Variants in ATXN2 observed in about 807,000 individuals in gnomAD.
ATXN2 encodes ataxin 2.
A neutral mutation model predicts 138.6 loss-of-function variants in ATXN2; 37 were observed. The ratio of observed to expected loss-of-function variants is 0.27; its 90% CI spans 0.21 to 0.35. The LOEUF (loss-of-function observed/expected upper bound fraction) is 0.35, where lower values mean the gene tolerates loss of function less well. Ranked by LOEUF, ATXN2 falls within the 10% of genes least tolerant of loss-of-function variation. ATXN2 has a pLI of 1.00. For missense variants in ATXN2, 1,216 were observed against 1,480.3 expected, an observed-to-expected ratio of 0.82 and a Z score of 2.93; for synonymous variants, 549 against 543.7, an observed-to-expected ratio of 1.01 and a Z score of -0.13.
rs1261937960 is a variant in ATXN2, at chr12:111,533,825, G to GT, written c.572-8510dup. 2.0e-5 allele frequency among the ~76,000 whole-genome samples: 3 copies of GT among 152,142 alleles called. No individual in the cohort carries two copies. The East Asian group carries it at 5.8e-4, about 29-fold the overall frequency. On this transcript the variant is annotated intron_variant, in intron 5 of 24. Transcript: ENST00000673436. Reference sequence around the variant, plus strand: ...TACAGGTGTGACCCACAGCCCCAGCGTATTTCCCATATATTTTGGATCCAT... The same window carrying GT: ...TACAGGTGTGACCCACAGCCCCAGCGTTATTTCCCATATATTTTGGATCCAT...
chr12:111,514,831 T>A (rs534390121), intron 10 of ATXN2, among the ~76,000 whole-genome samples: 4 of 152,214 alleles, frequency 2.6e-5, no homozygotes, highest in African/African-American at 9.6e-5. Context: ...AGAAGAATGC[T>A]AATGTTATAC....
At chr12:111,583,582 A>G (rs1884135532) in intron 1 of ATXN2, among the ~76,000 whole-genome samples, 1 of 151,888 alleles carries the variant, frequency 6.6e-6, no homozygotes, top group Non-Finnish European at 1.5e-5. Flanking sequence ...CCTGAACAAC[A>G]TGGCGAAAAC....
Position 111,453,316 on chromosome 12 carries a change from G to A in ATXN2, c.3439+361C>T. The stretch of plus-strand genomic sequence containing the variant: ...CAGAGCTACAATCAAACTCTGCCAT[G>A]GTAATAACCCCCCACATGTCAGACT... On this transcript the variant is annotated intron_variant, in intron 24 of 24. Transcript: ENST00000673436. The surrounding 1 kb of genome is among the most constrained non-coding windows in gnomAD (Gnocchi z 5.4). 9.3e-7 allele frequency: 1 copy of A among 1,071,446 alleles called. No homozygotes were observed. Among genetic ancestry groups the A allele is most frequent in the Non-Finnish European group, 1.1e-6 (1 of 886,254 alleles). 66.4% of individuals were successfully genotyped at this position (1,071,446 alleles called of 1,614,324 possible).
intron 5 of ATXN2, among the ~76,000 whole-genome samples, chr12:111,544,402 A>G (rs959614564): frequency 1.3e-5 from 2 of 152,254 alleles, no homozygotes; most frequent in African/African-American, 4.8e-5. Context: ...ACACATTTAT[A>G]TTGAGCCTGT....
At chr12:111,511,726 A>G (rs988261064) in intron 11 of ATXN2, 13 of 152,142 alleles carry the variant, frequency 8.5e-5, no homozygotes, top group Admixed American at 7.9e-4. Context: ...AGCCTCCCCA[A>G]GTGCTGGGAT....
chr12:111,592,540 T>C (rs564675952), intron 1 of ATXN2, among the ~76,000 whole-genome samples: 1 of 151,804 alleles, frequency 6.6e-6, no homozygotes, highest in Non-Finnish European at 1.5e-5. Flanking sequence ...CCCAGAACTT[T>C]GGGAGGCTGA....
At position 111,598,898 on chromosome 12, in the gene ATXN2, G is replaced by A; in HGVS notation, c.137C>T (p.Ala46Val). Reference sequence around the variant, plus strand: ...CGGCGAAGGCGCGGCGGCGGGCGACGCTAGAAGGCCGCTGCCGCCGGGCTT... The same window carrying A: ...CGGCGAAGGCGCGGCGGCGGGCGACACTAGAAGGCCGCTGCCGCCGGGCTT... ...VRKPGGSGLL[A>V]SPAAAPSPSS... Residue 46 changes from alanine (A) to valine (V), a missense_variant, in exon 1 of 25, where the codon GCG becomes GTG. This residue lies in a region of ATXN2 where 110 missense variants were observed against 88.7 expected (regional missense o/e 1.24). Coordinates refer to ENST00000673436, the MANE Select transcript of ATXN2 (RefSeq NM_001372574.1). The surrounding 1 kb of genome is among the most constrained non-coding windows in gnomAD (Gnocchi z 4.5). 1 of 1,505,110 alleles carries A rather than the reference G, an allele frequency of 6.6e-7. No homozygotes were observed. Among genetic ancestry groups the A allele is most frequent in the Non-Finnish European group, 8.8e-7 (1 of 1,133,152 alleles). 93.2% of individuals were successfully genotyped at this position (1,505,110 alleles called of 1,614,324 possible). A position where few individuals can be genotyped will look rare whatever the true frequency, so the allele number is the denominator to read the frequency against.
chr12:111,465,587 C>T (rs187420948), intron 20 of ATXN2, among the ~76,000 whole-genome samples: 8 of 151,146 alleles, frequency 5.3e-5, no homozygotes, highest in South Asian at 4.2e-4. Context: ...CTGGCCAAGA[C>T]GGTGAAACCC....
intron 18 of ATXN2, among the ~76,000 whole-genome samples, chr12:111,478,647 T>C (rs1743057471): frequency 6.6e-6 from 1 of 152,178 alleles, no homozygotes; most frequent in African/African-American, 2.4e-5. Flanking sequence ...CACATGTACC[T>C]GATCAGTTGG....
At position 111,559,869 on chromosome 12, in the gene ATXN2, A is replaced by G. The variant is rs183007779; in HGVS notation, c.252-3950T>C. ...CTTATATTGCACCATAATTTAGGAGAAAAAAAACTCACAATCTCTTCCCAA... is the reference window on the plus strand; with the variant it reads ...CTTATATTGCACCATAATTTAGGAGGAAAAAAACTCACAATCTCTTCCCAA... On this transcript the variant is annotated intron_variant, in intron 1 of 24. Coordinates refer to ENST00000673436, the MANE Select transcript of ATXN2 (RefSeq NM_001372574.1). 1.3e-3 allele frequency among the ~76,000 whole-genome samples: 192 copies of G among 151,294 alleles called. 1 individual carries two copies. The highest frequency in any genetic ancestry group is 4.4e-3 in the African/African-American group (183 of 41,414).
chr12:111,558,877 G>C (rs1334185344), intron 1 of ATXN2, among the ~76,000 whole-genome samples: 1 of 151,104 alleles, frequency 6.6e-6, no homozygotes, highest in Non-Finnish European at 1.5e-5. Flanking sequence ...GGTATGAGCT[G>C]ATAACTATTA....
chr12:111,507,100 G>A (rs1879180947), intron 14 of ATXN2, among the ~76,000 whole-genome samples: 1 of 152,152 alleles, frequency 6.6e-6, no homozygotes, highest in African/African-American at 2.4e-5. Flanking sequence ...TCTGGGAAGT[G>A]AGGAGCGTCT....
chr12:111,591,114 CT>C (rs1476030088), intron 1 of ATXN2, among the ~76,000 whole-genome samples: 4 of 152,024 alleles, frequency 2.6e-5, no homozygotes, highest in African/African-American at 4.8e-5. Context: ...TGGTCTCGAT[CT>C]CCTGACCTCG....
Position 111,598,518 on chromosome 12 carries a change from G to A in ATXN2, c.251+266C>T, listed in dbSNP as rs893068260. On this transcript the variant is annotated intron_variant, in intron 1 of 24. Transcript: ENST00000673436. The surrounding 1 kb of genome is among the most constrained non-coding windows in gnomAD (Gnocchi z 4.5). ...CCCCTCCCAACACGCGTGGGGAGGGGAGGCCGCCCGCTCCCTCCATCTTGA... is the reference window on the plus strand; with the variant it reads ...CCCCTCCCAACACGCGTGGGGAGGGAAGGCCGCCCGCTCCCTCCATCTTGA... 2.0e-6 allele frequency: 2 copies of A among 984,606 alleles called. No individual in the cohort carries two copies. The highest frequency in any genetic ancestry group is 2.4e-6 in the Non-Finnish European group (2 of 829,700). The allele number at this position is 984,606 out of a possible 1,614,324, so 61.0% of individuals were successfully genotyped here. A position where few individuals can be genotyped will look rare whatever the true frequency, so the allele number is the denominator to read the frequency against.
chr12:111,567,589 A>C (rs1376368769), intron 1 of ATXN2, among the ~76,000 whole-genome samples: 1 of 151,884 alleles, frequency 6.6e-6, no homozygotes, highest in Non-Finnish European at 1.5e-5. Context: ...CAAGGCGGGC[A>C]GATCACCTGA....
chr12:111,581,983 C>T (rs1480017913), intron 1 of ATXN2, among the ~76,000 whole-genome samples: 1 of 151,840 alleles, frequency 6.6e-6, no homozygotes, highest in Non-Finnish European at 1.5e-5. Context: ...CATTCCAACT[C>T]CAAATGCGTT....
At position 111,516,317 on chromosome 12, in the gene ATXN2, A is replaced by C; in HGVS notation, c.1212T>G (p.Pro404=). 1 of 1,585,518 alleles carries C rather than the reference A, an allele frequency of 6.3e-7. No individual in the cohort carries two copies. The highest frequency in any genetic ancestry group is 8.5e-7 in the Non-Finnish European group (1 of 1,169,634). Residue 404 remains proline (P), a synonymous_variant, in exon 10 of 25, where the codon CCT becomes CCG. Coordinates refer to ENST00000673436, the MANE Select transcript of ATXN2 (RefSeq NM_001372574.1). The surrounding 1 kb of genome is among the most constrained non-coding windows in gnomAD (Gnocchi z 5.0). ...SPCPSPSSRP[P]SRYQSGPNSL... ...AGTTGGGACCTGACTGGTAGCGAGA[A>C]GGTGGGCGAGAGGAAGGAGATGGGC... is the stretch of plus-strand genomic sequence containing the variant.
chr12:111,492,689 G>GAA (rs79185818), intron 14 of ATXN2, among the ~76,000 whole-genome samples: 42 of 99,738 alleles, frequency 4.2e-4, no homozygotes, highest in Non-Finnish European at 7.2e-4. Context: ...CTCAAAAACA[G>GAA]AAAAAAAAAA....
At chr12:111,507,525 T>A (rs1879228374) in intron 14 of ATXN2, among the ~76,000 whole-genome samples, 1 of 148,188 alleles carries the variant, frequency 6.7e-6, no homozygotes, top group South Asian at 2.2e-4. Context: ...AGCCGCCCCA[T>A]CCGGGAGGGA....
Sources: allele counts gnomAD v4.1 joint callset (sites outside exome capture counted in the v4.1 genomes callset), GRCh38; gene constraint gnomAD v4.1.1; regional missense constraint gnomAD v4.1.1; non-coding constraint Gnocchi (gnomAD v3.1); transcripts MANE v1.5; gene names NCBI Gene and HGNC (gene_info 2026-07-23, HGNC 2026-07-21).